The following STYK1 variants were observed in gnomAD, a reference collection of about 807,000 sequenced individuals.
The protein encoded by STYK1 is tyrosine-protein kinase STYK1.
A neutral mutation model predicts 48.1 loss-of-function variants in STYK1; 46 were observed. That is an observed-to-expected ratio of 0.96 (90% CI 0.75 to 1.22). The LOEUF (loss-of-function observed/expected upper bound fraction) is 1.22, where lower values mean the gene tolerates loss of function less well. STYK1 is among the 50% of genes most tolerant of loss of function. STYK1 has a pLI of 0.00. For missense variants in STYK1, 527 were observed against 521.1 expected, an observed-to-expected ratio of 1.01 and a Z score of -0.11; for synonymous variants, 188 against 189.0, an observed-to-expected ratio of 0.99 and a Z score of 0.04.
intron 1 of STYK1, among the ~76,000 whole-genome samples, chr12:10,648,618 T>A (rs1947626286): frequency 6.6e-6 from 1 of 151,900 alleles, no homozygotes; most frequent in African/African-American, 2.4e-5. Context: ...ATATTATTTA[T>A]TTATTTATTT....
At chr12:10,633,858 G>T in intron 4 of STYK1, 132 bp downstream of exon 4, 1 of 1,103,038 alleles carries the variant, frequency 9.1e-7, no homozygotes, top group Admixed American at 2.4e-5. Context: ...CAACTCCATG[G>T]GAGGGAACCC....
Position 10,636,360 on chromosome 12 carries a change from G to A in STYK1, c.-69+711C>T, listed in dbSNP as rs367782767. On this transcript the variant is annotated intron_variant, in intron 2 of 10. Coordinates refer to ENST00000075503, the MANE Select transcript of STYK1 (RefSeq NM_018423.3). ...TCAGGTAAACAGCCAAGTAGCCAGCGGGCGGAAAATTGGCACAGAAGAGGG... is the reference window on the plus strand; with the variant it reads ...TCAGGTAAACAGCCAAGTAGCCAGCAGGCGGAAAATTGGCACAGAAGAGGG... 4.3e-4 allele frequency among the ~76,000 whole-genome samples: 66 copies of A among 152,322 alleles called. 1 individual carries two copies. In the South Asian group the frequency reaches 0.011, roughly 26 times the overall value.
chr12:10,655,388 C>T (rs969321376), intron 1 of STYK1, among the ~76,000 whole-genome samples: 1 of 152,204 alleles, frequency 6.6e-6, no homozygotes, highest in Non-Finnish European at 1.5e-5. Flanking sequence ...TAAAAGCCTT[C>T]ATTGGCTCAA....
At chr12:10,642,393 A>G (rs904682162) in intron 1 of STYK1, among the ~76,000 whole-genome samples, 1 of 152,234 alleles carries the variant, frequency 6.6e-6, no homozygotes, top group Non-Finnish European at 1.5e-5. Flanking sequence ...GCTGCTGATG[A>G]TAACTACCTA....
At chr12:10,627,767 TCA>T in intron 6 of STYK1, 43 bp from the exon 7 acceptor site, 1 of 1,522,570 alleles carries the variant, frequency 6.6e-7, no homozygotes, top group Non-Finnish European at 9.0e-7. Flanking sequence ...AAAATAGCAC[TCA>T]CAGATTTGGA....
chr12:10,624,856 A>G lies in STYK1; in HGVS notation c.721T>C (p.Phe241Leu). The G allele has an allele frequency of 6.2e-7, 1 of 1,614,028 alleles. No individual in the cohort carries two copies. Among genetic ancestry groups the G allele is most frequent in the African/African-American group, 1.3e-5 (1 of 75,044 alleles). The change falls in exon 8 of 11, where the codon TTC (phenylalanine) becomes CTC (leucine). Residue 241 changes from phenylalanine to leucine, a missense_variant. Phe to Leu is a conservative substitution (Grantham distance 22, BLOSUM62 0). Coordinates refer to ENST00000075503, the MANE Select transcript of STYK1 (RefSeq NM_018423.3). ...IGKQVLLALE[F>L]LQEKHLFHGD... is the part of the protein sequence containing the mutation. ...TGGAACAAATGCTTCTCCTGCAGGA[A>G]TTCCTGTCAAGATAAAATCAAATAT...
rs1306836294 is a variant in STYK1, at chr12:10,624,982, C to G, written c.718-123G>C. ...CATTTTCTACTCTGAACAAGTCTCA[C>G]TAATAATGATATGTCACTTCCAAAG... On this transcript the variant is annotated intron_variant, in intron 7 of 10. Transcript: ENST00000075503. The G allele has an allele frequency of 3.9e-6, 3 of 766,712 alleles. No homozygotes were observed. The East Asian group carries it at 7.6e-5, about 19-fold the overall frequency. 47.5% of individuals were successfully genotyped at this position (766,712 alleles called of 1,614,324 possible).
chr12:10,634,396 T>A (rs900516467), intron 3 of STYK1, among the ~76,000 whole-genome samples, 171 bp downstream of exon 3: 3 of 152,184 alleles, frequency 2.0e-5, no homozygotes, highest in Non-Finnish European at 4.4e-5. Flanking sequence ...GGATCACTGA[T>A]TAGCACTTAC....
chr12:10,622,202 CTAAG>C (rs1224000920), intron 9 of STYK1, among the ~76,000 whole-genome samples: 1 of 152,090 alleles, frequency 6.6e-6, no homozygotes, highest in Non-Finnish European at 1.5e-5. Flanking sequence ...TCTTGAATCT[CTAAG>C]AAAGTGATCA....
rs745715950 is a variant in STYK1 at position 10,619,669 on chromosome 12, T to C, written c.*475A>G. ...GAAGAACTTTGTGTCCTACCACCTTTTCTTGAAGGAGGTGTTGGTCCATAT... is the reference window on the plus strand; with the variant it reads ...GAAGAACTTTGTGTCCTACCACCTTCTCTTGAAGGAGGTGTTGGTCCATAT... On this transcript the variant is annotated 3_prime_UTR_variant, in exon 11 of 11. Transcript: ENST00000075503. 23 of 192,594 alleles carry C rather than the reference T, an allele frequency of 1.2e-4. No homozygotes were observed. Among genetic ancestry groups the C allele is most frequent in the Non-Finnish European group, 1.5e-4 (14 of 95,238 alleles). The allele number at this position is 192,594 out of a possible 1,614,324, so 11.9% of individuals were successfully genotyped here. A position where few individuals can be genotyped will look rare whatever the true frequency, so the allele number is the denominator to read the frequency against.
chr12:10,657,010 A>T (rs1334064000), intron 1 of STYK1, among the ~76,000 whole-genome samples: 2 of 152,206 alleles, frequency 1.3e-5, no homozygotes, highest in Non-Finnish European at 2.9e-5. Flanking sequence ...TATGGGGGAT[A>T]CTTAACTCTT....
intron 1 of STYK1, among the ~76,000 whole-genome samples, chr12:10,665,827 C>G (rs1383064589): frequency 6.6e-6 from 1 of 152,142 alleles, no homozygotes; most frequent in African/African-American, 2.4e-5. Context: ...AAGATATCAG[C>G]CCCAAGGTAA....
chr12:10,641,479 T>C (rs932273006), intron 1 of STYK1, among the ~76,000 whole-genome samples: 51 of 152,330 alleles, frequency 3.3e-4, no homozygotes, highest in African/African-American at 1.2e-3. Context: ...TCTAACACAC[T>C]GCCCTCTGGC....
chr12:10,651,489 T>C (rs140469226), intron 1 of STYK1, among the ~76,000 whole-genome samples: 80 of 152,350 alleles, frequency 5.3e-4, no homozygotes, highest in Admixed American at 2.2e-3. Flanking sequence ...CAAAGAGCCA[T>C]TGTAATAATT....
chr12:10,631,429 T>C, intron 4 of STYK1, 121 bp from the exon 5 acceptor site: 1 of 1,180,428 alleles, frequency 8.5e-7, no homozygotes, highest in Non-Finnish European at 1.2e-6. Context: ...AATGGGGAGT[T>C]GTCTTCTGAT....
intron 1 of STYK1, among the ~76,000 whole-genome samples, chr12:10,641,047 A>C (rs1043612739): frequency 1.3e-5 from 2 of 152,212 alleles, no homozygotes; most frequent in African/African-American, 4.8e-5. Context: ...AAAAGCCCAG[A>C]AATAGCATAT....
At chr12:10,635,938 T>C (rs566458972) in intron 2 of STYK1, among the ~76,000 whole-genome samples, 2 of 152,348 alleles carry the variant, frequency 1.3e-5, no homozygotes, top group Middle Eastern at 6.8e-3. Flanking sequence ...ACTTCTTTAA[T>C]TCTGATTAAC....
intron 1 of STYK1, among the ~76,000 whole-genome samples, chr12:10,650,393 T>C (rs1220859009): frequency 1.3e-5 from 2 of 152,148 alleles, no homozygotes; most frequent in African/African-American, 4.8e-5. Context: ...AGGATTCTAG[T>C]GAGAATTAAT....
At chr12:10,639,472 T>A (rs1947520868) in intron 1 of STYK1, among the ~76,000 whole-genome samples, 1 of 151,962 alleles carries the variant, frequency 6.6e-6, no homozygotes, top group African/African-American at 2.4e-5. Flanking sequence ...TGGAGTGCAA[T>A]GGCGTGATCT....
Sources: allele counts gnomAD v4.1 joint callset (sites outside exome capture counted in the v4.1 genomes callset), GRCh38; gene constraint gnomAD v4.1.1; transcripts MANE v1.5; gene names NCBI Gene and HGNC (gene_info 2026-07-23, HGNC 2026-07-21).